Variants in KIAA1191 observed in about 807,000 individuals in gnomAD.
KIAA1191 encodes the protein putative monooxygenase p33MONOX.
A neutral mutation model predicts 31.1 loss-of-function variants in KIAA1191; 22 were observed. The observed-to-expected ratio is 0.71, with a 90% CI of 0.51 to 1.01. KIAA1191 has a LOEUF of 1.01. Among genes scored for constraint, KIAA1191 ranks in the 50% least tolerant of loss-of-function variants. KIAA1191 has a pLI of 0.00. For missense variants in KIAA1191, 319 were observed against 388.0 expected (o/e 0.82, Z 1.49); for synonymous variants, 130 against 143.9 (o/e 0.90, Z 0.69).
chr5:176,360,708 G>A (rs1318325634), intron 1 of KIAA1191, among the ~76,000 whole-genome samples: 1 of 151,996 alleles, frequency 6.6e-6, no homozygotes, highest in Non-Finnish European at 1.5e-5. Context: ...GGCTGAGGCA[G>A]GAGAATAGCT....
chr5:176,346,606 G>T lies in KIAA1191; in HGVS notation c.*994C>A, dbSNP rs1581348780. On this transcript the variant is annotated 3_prime_UTR_variant, in exon 9 of 9. Coordinates refer to ENST00000298569, the MANE Select transcript of KIAA1191 (RefSeq NM_020444.5). ...AGCTAAATTAATCTCACTTTAAAGT[G>T]CAAGAAAGGCTCTGCTAGAGTAGTG... The T allele has an allele frequency of 1.3e-5, 2 of 152,384 alleles. No individual in the cohort carries two copies. Among genetic ancestry groups the T allele is most frequent in the Admixed American group, 1.3e-4 (2 of 15,302 alleles). 9.4% of individuals were successfully genotyped at this position (152,384 alleles called of 1,614,324 possible). A position where few individuals can be genotyped will look rare whatever the true frequency, so the allele number is the denominator to read the frequency against.
chr5:176,350,489 G>T, intron 6 of KIAA1191, 124 bp downstream of exon 6: 2 of 1,229,148 alleles, frequency 1.6e-6, no homozygotes, highest in South Asian at 2.9e-5. Flanking sequence ...ACGAGGCTAA[G>T]AGCTCGGGAG....
chr5:176,360,371 T>C (rs554564327), intron 1 of KIAA1191, among the ~76,000 whole-genome samples: 5 of 151,922 alleles, frequency 3.3e-5, no homozygotes, highest in Non-Finnish European at 5.9e-5. Context: ...CTAGCCAGGA[T>C]GGTCTTGATC....
intron 1 of KIAA1191, among the ~76,000 whole-genome samples, 171 bp from the exon 2 acceptor site, chr5:176,360,089 G>A (rs1767866463): frequency 6.6e-6 from 1 of 151,274 alleles, no homozygotes; most frequent in Admixed American, 6.6e-5. Context: ...TATTTACAGC[G>A]TTTATCTTGT....
At chr5:176,352,565 A>C in intron 5 of KIAA1191, 57 bp downstream of exon 5, 1 of 1,582,466 alleles carries the variant, frequency 6.3e-7, no homozygotes. Context: ...GCTTGTAGGA[A>C]GCCTCAACTC....
intron 3 of KIAA1191, among the ~76,000 whole-genome samples, chr5:176,356,850 C>T (rs1453503507): frequency 2.0e-5 from 3 of 152,142 alleles, no homozygotes; most frequent in Non-Finnish European, 4.4e-5. Flanking sequence ...ATTTAAACGG[C>T]AAGGGGACCA....
In KIAA1191 at chr5:176,347,660, T is replaced by C; in HGVS notation, c.858A>G (p.Pro286=). 6.4e-7 allele frequency: 1 copy of C among 1,571,084 alleles called. No individual in the cohort carries two copies. Among genetic ancestry groups the C allele is most frequent in the Non-Finnish European group, 8.6e-7 (1 of 1,161,780 alleles). The part of the protein sequence containing the change: ...DIPVMEGKKQ[P]PRAHNLKPRD... ...GGGGTTTGAGGTTATGGGCCCGTGG[T>C]GGCTGTTTCTTTCCTTCCATCACTG... The change falls in exon 9 of 9, where the codon CCA becomes CCG. Residue 286 remains proline (P), a synonymous_variant. Coordinates refer to ENST00000298569, the MANE Select transcript of KIAA1191 (RefSeq NM_020444.5).
At position 176,348,370 on chromosome 5, in the gene KIAA1191, TAAG is replaced by T; in HGVS notation, c.460-17_460-15del. ...TAACTTTAGTTTCTGCTCAGATGGG[TAAG>T]AAGAGAGACTTTTTAAAAATGAAAG... On this transcript the variant is annotated splice_polypyrimidine_tract_variant and intron_variant, in intron 6 of 8. Coordinates refer to ENST00000298569, the MANE Select transcript of KIAA1191 (RefSeq NM_020444.5). 7.5e-6 allele frequency: 12 copies of T among 1,591,866 alleles called. No homozygotes were observed. The highest frequency in any genetic ancestry group is 1.0e-5 in the Non-Finnish European group (12 of 1,161,500).
chr5:176,352,627 A>T lies in KIAA1191; in HGVS notation c.329T>A (p.Ile110Asn). The T allele has an allele frequency of 6.2e-7, 1 of 1,613,570 alleles. No homozygotes were observed. Residue 110 changes from isoleucine to asparagine, a missense_variant, in exon 5 of 9, where the codon ATC (isoleucine) becomes AAC (asparagine). Coordinates refer to ENST00000298569, the MANE Select transcript of KIAA1191 (RefSeq NM_020444.5). Reference protein sequence around the residue: ...KATHVIMNSLITKQTQESIQH... With the variant: ...KATHVIMNSLNTKQTQESIQH... ...TGAGGGTGAAGAGTGCTTACTTGTG[A>T]TCAGAGAATTCATGATGACATGGGT...
chr5:176,361,537 A>G lies in KIAA1191; in HGVS notation c.-168+65T>C, dbSNP rs1768016014. On this transcript the variant is annotated intron_variant, in intron 1 of 8. Coordinates refer to ENST00000298569, the MANE Select transcript of KIAA1191 (RefSeq NM_020444.5). This position sits in a 1 kb window ranked among gnomAD's most constrained non-coding sequence, Gnocchi z 4.0. ...GGCCCCGAGATCGGGCCTCGCCGGA[A>G]GCGCCCCTCCTGATCGCCAGAGAAC... 6.6e-6 allele frequency: 1 copy of G among 152,448 alleles called. No individual in the cohort carries two copies. The highest frequency in any genetic ancestry group is 6.5e-5 in the Admixed American group (1 of 15,292). The allele number at this position is 152,448 out of a possible 1,614,324, so 9.4% of individuals were successfully genotyped here.
chr5:176,352,772 G>A, intron 4 of KIAA1191, 24 bp from the exon 5 acceptor site: 1 of 1,603,844 alleles, frequency 6.2e-7, no homozygotes, highest in African/African-American at 1.3e-5. Flanking sequence ...GTACAGTACA[G>A]AAGCACTTAG....
At chr5:176,359,011 G>A (rs1767742457) in intron 3 of KIAA1191, among the ~76,000 whole-genome samples, 1 of 151,378 alleles carries the variant, frequency 6.6e-6, no homozygotes, top group South Asian at 2.1e-4. Context: ...GTGAACCCGG[G>A]AGGCGGAGCT....
chr5:176,352,476 T>C lies in KIAA1191; in HGVS notation c.334+146A>G, dbSNP rs191855894. The C allele has an allele frequency of 9.5e-5, 84 of 885,434 alleles. No individual in the cohort carries two copies. The East Asian group carries it at 2.0e-3, about 21-fold the overall frequency. The allele number at this position is 885,434 out of a possible 1,614,324, so 54.8% of individuals were successfully genotyped here. On this transcript the variant is annotated intron_variant, in intron 5 of 8. Coordinates refer to ENST00000298569, the MANE Select transcript of KIAA1191 (RefSeq NM_020444.5). The stretch of plus-strand genomic sequence containing the variant: ...TTCCACTTAATAAATGGAGCTTCAA[T>C]ACTGACATGATTCAGCAGCCAAACT...
rs1378934502 is a variant in KIAA1191, at chr5:176,346,079, G to A, written c.*1521C>T. The A allele has an allele frequency of 6.6e-6, 1 of 152,074 alleles. No individual in the cohort carries two copies. The highest frequency in any genetic ancestry group is 2.4e-5 in the African/African-American group (1 of 41,418). The allele number at this position is 152,074 out of a possible 1,614,324, so 9.4% of individuals were successfully genotyped here. On this transcript the variant is annotated 3_prime_UTR_variant, in exon 9 of 9. Coordinates refer to ENST00000298569, the MANE Select transcript of KIAA1191 (RefSeq NM_020444.5). The stretch of plus-strand genomic sequence containing the variant: ...TAGCCACATTTGAGAAAGTAGTAAG[G>A]ATTTTTATTGTCAAAACGAGATCAT...
chr5:176,349,496 A>C (rs940740654), intron 6 of KIAA1191, among the ~76,000 whole-genome samples: 20 of 152,208 alleles, frequency 1.3e-4, no homozygotes, highest in Admixed American at 3.3e-4. Context: ...CCTGGCCAAC[A>C]TGGTGAAATC....
Position 176,352,648 on chromosome 5 carries a change from T to G in KIAA1191, c.308A>C (p.His103Pro), listed in dbSNP as rs376065635. ...KVPVVKAKAT[H>P]VIMNSLITKQ... ...TGTGATCAGAGAATTCATGATGACA[T>G]GGGTAGCTTTAGCCTTCACCACTGG... The change falls in exon 5 of 9, where the codon CAT becomes CCT. Residue 103 changes from histidine to proline, a missense_variant. His to Pro is a moderately conservative substitution (Grantham distance 77). Coordinates refer to ENST00000298569, the MANE Select transcript of KIAA1191 (RefSeq NM_020444.5). 1.5e-5 allele frequency: 24 copies of G among 1,613,698 alleles called. No individual in the cohort carries two copies. The highest frequency in any genetic ancestry group is 2.7e-5 in the African/African-American group (2 of 74,888).
At chr5:176,351,259 T>C (rs1226643640) in intron 5 of KIAA1191, among the ~76,000 whole-genome samples, 1 of 150,054 alleles carries the variant, frequency 6.7e-6, no homozygotes, top group African/African-American at 2.5e-5. Context: ...GAGAATGGCG[T>C]GAACCCGGGA....
intron 3 of KIAA1191, among the ~76,000 whole-genome samples, chr5:176,356,685 A>G (rs1484802362): frequency 6.6e-6 from 1 of 152,192 alleles, no homozygotes; most frequent in African/African-American, 2.4e-5. Flanking sequence ...CCAGGGAGCC[A>G]AGTTCATTGT....
At chr5:176,354,973 A>C (rs971149003) in intron 4 of KIAA1191, among the ~76,000 whole-genome samples, 2 of 152,186 alleles carry the variant, frequency 1.3e-5, no homozygotes, top group Non-Finnish European at 2.9e-5. Flanking sequence ...AGTGGGAGAA[A>C]AGGTGAGAGG....
Sources: allele counts gnomAD v4.1 joint callset (sites outside exome capture counted in the v4.1 genomes callset), GRCh38; gene constraint gnomAD v4.1.1; non-coding constraint Gnocchi (gnomAD v3.1); transcripts MANE v1.5; gene names NCBI Gene and HGNC (gene_info 2026-07-23, HGNC 2026-07-21).